The following KMO variants were observed in gnomAD, a reference collection of about 807,000 sequenced individuals.
The protein encoded by KMO is kynurenine 3-monooxygenase.
A neutral mutation model predicts 57.8 loss-of-function variants in KMO; 24 were observed. The ratio of observed to expected loss-of-function variants is 0.42; its 90% CI spans 0.30 to 0.58. The LOEUF (loss-of-function observed/expected upper bound fraction) is 0.58, where lower values mean the gene tolerates loss of function less well. Ranked by LOEUF, KMO falls within the 20% of genes least tolerant of loss-of-function variation. The pLI is 0.22. For synonymous variants in KMO, 210 were observed against 193.6 expected, an observed-to-expected ratio of 1.08 and a Z score of -0.70; for missense variants, 483 against 588.2, an observed-to-expected ratio of 0.82 and a Z score of 1.85.
At chr1:241,538,556 A>T (rs936675101) in intron 1 of KMO, among the ~76,000 whole-genome samples, 1 of 152,236 alleles carries the variant, frequency 6.6e-6, no homozygotes. Context: ...GGGCTTTGAG[A>T]TCAACTAGAA....
intron 4 of KMO, among the ~76,000 whole-genome samples, chr1:241,553,901 A>C (rs989451417): frequency 3.9e-5 from 6 of 152,170 alleles, no homozygotes; most frequent in African/African-American, 1.4e-4. Flanking sequence ...TTTTACACCA[A>C]GTATAGATTT....
In KMO at chr1:241,535,913, G is replaced by C. The variant is rs1384661605; in HGVS notation, c.54+3415G>C. On this transcript the variant is annotated intron_variant, in intron 1 of 14. Coordinates refer to ENST00000366559, the MANE Select transcript of KMO (RefSeq NM_003679.5). ...AAATGCTGCCTTCTATTAAAATTTT[G>C]TTATGCATAGTTTATTCCCCATAGA... Among the ~76,000 whole-genome samples, 9 of 152,098 alleles carry C rather than the reference G, an allele frequency of 5.9e-5. No homozygotes were observed. In the East Asian group the frequency reaches 1.7e-3, roughly 29 times the overall value.
In KMO at chr1:241,593,648, T is replaced by G. The variant is rs1663399166; in HGVS notation, c.*1495T>G. On this transcript the variant is annotated 3_prime_UTR_variant, in exon 15 of 15. Transcript: ENST00000366559. The stretch of plus-strand genomic sequence containing the variant: ...TAAATTTATTAGCGGGTATATGTAA[T>G]ATATATGTGGGAAATACAGGGGAAT... The G allele has an allele frequency of 5.2e-6, 1 of 193,682 alleles. No homozygotes were observed. The highest frequency in any genetic ancestry group is 2.3e-5 in the African/African-American group (1 of 43,556). The allele number at this position is 193,682 out of a possible 1,614,324, so 12.0% of individuals were successfully genotyped here. A position where few individuals can be genotyped will look rare whatever the true frequency, so the allele number is the denominator to read the frequency against.
At chr1:241,558,773 T>A (rs1355065518) in intron 5 of KMO, among the ~76,000 whole-genome samples, 2 of 53,860 alleles carry the variant, frequency 3.7e-5, no homozygotes, top group Non-Finnish European at 5.6e-5. Context: ...ATGCTAACCA[T>A]GTTAAAAAAA....
At chr1:241,576,689 T>G (rs1257370257) in intron 10 of KMO, among the ~76,000 whole-genome samples, 2 of 135,688 alleles carry the variant, frequency 1.5e-5, no homozygotes, top group Non-Finnish European at 3.2e-5. Context: ...ATTATTTCCT[T>G]CATGTTGACT....
At position 241,568,541 on chromosome 1, in the gene KMO, C is replaced by T; in HGVS notation, c.851C>T (p.Pro284Leu). Reference sequence around the variant, plus strand: ...GATTTCTTCCTGTTGCCTGCCCAGCCCATGATATCTGTAAAGTGCTCTTCA... The same window carrying T: ...GATTTCTTCCTGTTGCCTGCCCAGCTCATGATATCTGTAAAGTGCTCTTCA... Reference protein sequence around the residue: ...VQDFFLLPAQPMISVKCSSFH... With the variant: ...VQDFFLLPAQLMISVKCSSFH... The change falls in exon 10 of 15, where the codon CCC becomes CTC. Residue 284 changes from proline to leucine, a missense_variant. Physicochemically the swap from Pro to Leu is moderately conservative, Grantham distance 98 (BLOSUM62 -3). Transcript: ENST00000366559. 6.2e-7 allele frequency: 1 copy of T among 1,613,886 alleles called. No homozygotes were observed. Among genetic ancestry groups the T allele is most frequent in the Non-Finnish European group, 8.5e-7 (1 of 1,179,808 alleles).
rs558325510 is a variant in KMO, at chr1:241,569,023, A to T, written c.957+376A>T. Among the ~76,000 whole-genome samples the T allele has an allele frequency of 3.1e-4, 47 of 152,142 alleles. No individual in the cohort carries two copies. In the South Asian group the frequency reaches 9.1e-3, roughly 30 times the overall value. Reference sequence around the variant, plus strand: ...CCATTTTTACATCTAATTTTTTAAAATTTTTTAATTATTATGGATATATAC... The same window carrying T: ...CCATTTTTACATCTAATTTTTTAAATTTTTTTAATTATTATGGATATATAC... On this transcript the variant is annotated intron_variant, in intron 10 of 14. Coordinates refer to ENST00000366559, the MANE Select transcript of KMO (RefSeq NM_003679.5).
intron 4 of KMO, among the ~76,000 whole-genome samples, chr1:241,552,143 C>A (rs1436357019): frequency 6.7e-6 from 1 of 148,278 alleles, no homozygotes; most frequent in Non-Finnish European, 1.5e-5. Context: ...ACCCCACCAC[C>A]TTGTCTGTGT....
In KMO at chr1:241,594,879, C is replaced by G; in HGVS notation, c.*2726C>G. On this transcript the variant is annotated 3_prime_UTR_variant, in exon 15 of 15. Coordinates refer to ENST00000366559, the MANE Select transcript of KMO (RefSeq NM_003679.5). ...CAGAGCTTTATGTCTTTTATTCATT[C>G]TAATTCTTATTAACCGGAATATGTA... 1.6e-6 allele frequency: 1 copy of G among 613,996 alleles called. No homozygotes were observed. The allele number at this position is 613,996 out of a possible 1,614,324, so 38.0% of individuals were successfully genotyped here.
In KMO at chr1:241,545,042, T is replaced by G. The variant is rs752180092; in HGVS notation, c.55-3787T>G. ...CTTATCTTGGTAACCTTTGAGTCCC[T>G]AAAATTTAGCAGATTAAGTTATATT... On this transcript the variant is annotated intron_variant, in intron 1 of 14. Coordinates refer to ENST00000366559, the MANE Select transcript of KMO (RefSeq NM_003679.5). 1.6e-4 allele frequency among the ~76,000 whole-genome samples: 24 copies of G among 152,176 alleles called. 1 individual carries two copies. Among genetic ancestry groups the G allele is most frequent in the South Asian group, 6.2e-4 (3 of 4,832 alleles).
chr1:241,590,161 C>T (rs374549943), intron 13 of KMO, 43 bp from the exon 14 acceptor site: 2 of 1,606,530 alleles, frequency 1.2e-6, no homozygotes, highest in Non-Finnish European at 8.5e-7. Context: ...TTCTGTTTAG[C>T]TGTTAAAGAA....
rs151279238 is a variant in KMO at position 241,537,526 on chromosome 1, A to G, written c.54+5028A>G. 1.8e-3 allele frequency among the ~76,000 whole-genome samples: 274 copies of G among 152,342 alleles called. 3 individuals are homozygous for G. Among genetic ancestry groups the G allele is most frequent in the African/African-American group, 6.2e-3 (256 of 41,588 alleles). On this transcript the variant is annotated intron_variant, in intron 1 of 14. Transcript: ENST00000366559. ...CTATTTGCTCTACTCTTGTTTTGAT[A>G]CCAAACTAGGCTTGTTCTGCCCAGC... is the stretch of plus-strand genomic sequence containing the variant.
At chr1:241,581,498 G>A (rs933562369) in intron 10 of KMO, among the ~76,000 whole-genome samples, 1 of 151,686 alleles carries the variant, frequency 6.6e-6, no homozygotes, top group Admixed American at 6.6e-5. Flanking sequence ...ACCTATCATA[G>A]GTTTTTGTTT....
intron 10 of KMO, among the ~76,000 whole-genome samples, chr1:241,584,355 G>A (rs528445195): frequency 6.6e-6 from 1 of 152,336 alleles, no homozygotes; most frequent in South Asian, 2.1e-4. Context: ...AACAACAGGT[G>A]CTGGAGAAGA....
intron 10 of KMO, among the ~76,000 whole-genome samples, chr1:241,582,212 T>C (rs1662779607): frequency 6.6e-6 from 1 of 152,188 alleles, no homozygotes; most frequent in South Asian, 2.1e-4. Context: ...TCCTTGACCT[T>C]TGAGAGTTCC....
At chr1:241,556,876 G>A (rs897116113) in intron 5 of KMO, among the ~76,000 whole-genome samples, 41 of 151,942 alleles carry the variant, frequency 2.7e-4, no homozygotes, top group East Asian at 1.9e-4. Flanking sequence ...CTGACAGAGC[G>A]AGACTCAGTC....
chr1:241,561,998 A>C (rs2147960788), intron 6 of KMO, 169 bp from the exon 7 acceptor site: 1 of 603,256 alleles, frequency 1.7e-6, no homozygotes, highest in Middle Eastern at 4.5e-4. Flanking sequence ...GACTGGGACA[A>C]GTGTTTTCAT....
intron 1 of KMO, among the ~76,000 whole-genome samples, chr1:241,547,837 T>C (rs1323123067): frequency 1.3e-5 from 2 of 152,130 alleles, no homozygotes; most frequent in Non-Finnish European, 2.9e-5. Context: ...ATAGAACCCT[T>C]GAAAAAAAGT....
chr1:241,581,420 T>C (rs562286152), intron 10 of KMO, among the ~76,000 whole-genome samples: 72 of 152,194 alleles, frequency 4.7e-4, no homozygotes, highest in African/African-American at 1.7e-3. Context: ...TTCCTTCTTG[T>C]TTTCCTTTGT....
Sources: allele counts gnomAD v4.1 joint callset (sites outside exome capture counted in the v4.1 genomes callset), GRCh38; gene constraint gnomAD v4.1.1; transcripts MANE v1.5; gene names NCBI Gene and HGNC (gene_info 2026-07-23, HGNC 2026-07-21).